Variants in SRPK2 observed in about 807,000 individuals in gnomAD.
SRPK2 encodes SRSF protein kinase 2, also known as SFRS protein kinase 2.
SRPK2 carries 21 observed loss-of-function variants against 90.8 expected under a neutral mutation model. The ratio of observed to expected loss-of-function variants is 0.23; its 90% CI spans 0.16 to 0.33. The LOEUF (loss-of-function observed/expected upper bound fraction) is 0.33. Ranked by LOEUF, SRPK2 falls within the 10% of genes least tolerant of loss-of-function variation. The pLI is 1.00. For missense variants in SRPK2, 620 were observed against 869.0 expected, an observed-to-expected ratio of 0.71 and a Z score of 3.60; for synonymous variants, 288 against 311.1, an observed-to-expected ratio of 0.93 and a Z score of 0.78.
intron 3 of SRPK2, among the ~76,000 whole-genome samples, chr7:105,200,207 C>T (rs578082221): frequency 7.3e-4 from 111 of 152,078 alleles, no homozygotes; most frequent in African/African-American, 2.5e-3. Flanking sequence ...GAGGCTGGCA[C>T]GAGAATTGCT....
rs546881035 is a variant in SRPK2 at position 105,283,998 on chromosome 7, A to AAAAC, written c.72-80217_72-80214dup. On this transcript the variant is annotated intron_variant, in intron 2 of 15. Coordinates refer to ENST00000393651, the MANE Select transcript of SRPK2 (RefSeq NM_182692.3). ...GGCTGGGAGACAGGGACCCTGTCTC[A>AAAAC]AAACAAACAAACAAACAAAAAATGA... Among the ~76,000 whole-genome samples the AAAAC allele has an allele frequency of 2.8e-3, 419 of 152,270 alleles. 3 individuals carry two copies. The highest frequency in any genetic ancestry group is 9.5e-3 in the African/African-American group (393 of 41,548).
chr7:105,233,625 C>G (rs548373890), intron 2 of SRPK2, among the ~76,000 whole-genome samples: 1 of 152,206 alleles, frequency 6.6e-6, no homozygotes, highest in South Asian at 2.1e-4. Context: ...AGGCCAAAGC[C>G]GGTGGATCAC....
intron 2 of SRPK2, among the ~76,000 whole-genome samples, chr7:105,347,863 AAAAAAAAAGAAAGAAAAG>A (rs916612249): frequency 2.4e-4 from 36 of 152,034 alleles, no homozygotes; most frequent in African/African-American, 8.4e-4. Flanking sequence ...TCTCAAAAAA[AAAAAAAAAGAAAGAAAAG>A]CGGTAGCTTG....
intron 7 of SRPK2, among the ~76,000 whole-genome samples, chr7:105,154,098 T>C (rs987863421): frequency 6.6e-6 from 1 of 152,214 alleles, no homozygotes; most frequent in African/African-American, 2.4e-5. Flanking sequence ...CTTACCCACA[T>C]TGTCCTGAAA....
At chr7:105,148,345 G>C (rs765690917) in intron 7 of SRPK2, among the ~76,000 whole-genome samples, 8 of 152,164 alleles carry the variant, frequency 5.3e-5, no homozygotes, top group Non-Finnish European at 1.0e-4. Context: ...TATACTAAAA[G>C]AAAGTGATGA....
At chr7:105,287,097 T>A (rs1703433165) in intron 2 of SRPK2, among the ~76,000 whole-genome samples, 1 of 150,340 alleles carries the variant, frequency 6.7e-6, no homozygotes, top group Non-Finnish European at 1.5e-5. Context: ...CCGTCTCTAC[T>A]AAAAATACAA....
At chr7:105,260,260 C>T (rs1384965367) in intron 2 of SRPK2, among the ~76,000 whole-genome samples, 1 of 152,202 alleles carries the variant, frequency 6.6e-6, no homozygotes, top group Non-Finnish European at 1.5e-5. Context: ...GACATTTATG[C>T]AGCCAGAAGA....
At chr7:105,312,986 G>A (rs536681687) in intron 2 of SRPK2, among the ~76,000 whole-genome samples, 1 of 152,040 alleles carries the variant, frequency 6.6e-6, no homozygotes, top group South Asian at 2.1e-4. Context: ...AATAAATAAG[G>A]AATAATAAAA....
intron 2 of SRPK2, among the ~76,000 whole-genome samples, chr7:105,360,125 T>C (rs547502938): frequency 1.3e-4 from 20 of 152,322 alleles, no homozygotes; most frequent in African/African-American, 4.6e-4. Flanking sequence ...CCCTTTACCA[T>C]TATGTAATGG....
intron 2 of SRPK2, among the ~76,000 whole-genome samples, chr7:105,308,134 A>G (rs1811337264): frequency 6.6e-6 from 1 of 152,180 alleles, no homozygotes; most frequent in Non-Finnish European, 1.5e-5. Context: ...TTGCTGCTCT[A>G]CCTGGAGGTC....
At chr7:105,169,342 T>A in intron 3 of SRPK2, 77 bp from the exon 4 acceptor site, 1 of 1,106,492 alleles carries the variant, frequency 9.0e-7, no homozygotes, top group South Asian at 1.3e-5. Context: ...CTTTTGTCAT[T>A]CTTGATGTCA....
intron 2 of SRPK2, among the ~76,000 whole-genome samples, chr7:105,313,829 C>A (rs1182570337): frequency 6.6e-6 from 1 of 152,008 alleles, no homozygotes; most frequent in Non-Finnish European, 1.5e-5. Context: ...TCTTGAACTC[C>A]TTTTCTTATT....
At chr7:105,221,868 TAAAC>T (rs912057179) in intron 2 of SRPK2, among the ~76,000 whole-genome samples, 66 of 152,222 alleles carry the variant, frequency 4.3e-4, no homozygotes, top group African/African-American at 1.6e-3. Context: ...CACAGGGCTA[TAAAC>T]AAACTAATTC....
At chr7:105,301,501 C>T (rs956235469) in intron 2 of SRPK2, 17 of 1,261,358 alleles carry the variant, frequency 1.3e-5, no homozygotes, top group South Asian at 2.4e-5. Flanking sequence ...ACTCAGGAGG[C>T]GCCCCGCAAC....
chr7:105,288,157 G>A (rs2130953016), intron 2 of SRPK2, among the ~76,000 whole-genome samples: 1 of 152,330 alleles, frequency 6.6e-6, no homozygotes, highest in East Asian at 1.9e-4. Context: ...TCTTATGGAA[G>A]TTGTACAACT....
At chr7:105,261,272 G>A (rs201622679) in intron 2 of SRPK2, among the ~76,000 whole-genome samples, 13 of 152,022 alleles carry the variant, frequency 8.6e-5, no homozygotes, top group South Asian at 2.1e-4. Flanking sequence ...CTGTAATCCC[G>A]GCACTTTGGG....
Position 105,126,291 on chromosome 7 carries a change from A to C in SRPK2, c.1872T>G (p.Phe624Leu). 6.2e-7 allele frequency: 1 copy of C among 1,614,176 alleles called. No individual in the cohort carries two copies. The highest frequency in any genetic ancestry group is 8.5e-7 in the Non-Finnish European group (1 of 1,180,006). The change falls in exon 15 of 16, where the codon TTT (phenylalanine) becomes TTG (leucine). Residue 624 changes from phenylalanine to leucine, a missense_variant. Phe to Leu is a conservative substitution (Grantham distance 22). Transcript: ENST00000393651. ...IELLGSIPRHFALSGKYSREF... is the reference protein window; with the variant it reads ...IELLGSIPRHLALSGKYSREF... ...CCCGAGAATATTTTCCAGATAGAGC[A>C]AAGTGCCTTGGAATACTGCCTAGCA... is the stretch of plus-strand genomic sequence containing the variant.
intron 2 of SRPK2, among the ~76,000 whole-genome samples, chr7:105,337,839 C>T (rs542545688): frequency 1.3e-5 from 2 of 151,654 alleles, no homozygotes; most frequent in South Asian, 2.1e-4. Flanking sequence ...TATGGCAGCC[C>T]GGGTCAACTA....
At chr7:105,385,471 C>T (rs1356628123) in intron 2 of SRPK2, among the ~76,000 whole-genome samples, 2 of 152,166 alleles carry the variant, frequency 1.3e-5, no homozygotes, top group Non-Finnish European at 2.9e-5. Context: ...CCACCGCGCC[C>T]GGACAGCAGC....
Sources: allele counts gnomAD v4.1 joint callset (sites outside exome capture counted in the v4.1 genomes callset), GRCh38; gene constraint gnomAD v4.1.1; transcripts MANE v1.5; gene names NCBI Gene and HGNC (gene_info 2026-07-23, HGNC 2026-07-21).